The following DLG2 variants were observed in gnomAD, a reference collection of about 807,000 sequenced individuals.
DLG2 encodes the protein disks large homolog 2.
In DLG2, 45 loss-of-function variants were observed where a neutral mutation model predicts 132.5. The observed-to-expected ratio is 0.34, with a 90% CI of 0.27 to 0.44. The LOEUF is 0.44. Ranked by LOEUF, DLG2 falls within the 20% of genes least tolerant of loss-of-function variation. The pLI is 1.00. For synonymous variants in DLG2, 424 were observed against 419.6 expected (o/e 1.01, Z -0.13); for missense variants, 1,045 against 1,196.9 (o/e 0.87, Z 1.87).
intron 6 of DLG2, among the ~76,000 whole-genome samples, chr11:84,978,728 C>A (rs2055287812): frequency 1.3e-5 from 2 of 152,146 alleles, no homozygotes; most frequent in African/African-American, 4.8e-5. Context: ...AAAACCTAGG[C>A]AATACCTTTC....
intron 6 of DLG2, among the ~76,000 whole-genome samples, chr11:84,935,738 C>T (rs532872340): frequency 2.5e-4 from 38 of 152,280 alleles, no homozygotes; most frequent in Non-Finnish European, 4.6e-4. Flanking sequence ...AAAGAATTAT[C>T]CAGCCCAAAA....
chr11:85,010,093 G>A (rs986460579), intron 6 of DLG2, among the ~76,000 whole-genome samples: 9 of 152,156 alleles, frequency 5.9e-5, no homozygotes, highest in Admixed American at 3.3e-4. Context: ...TCAACCTTTG[G>A]AGGAACGGAG....
intron 16 of DLG2, among the ~76,000 whole-genome samples, chr11:83,865,777 C>G (rs2062223619): frequency 6.6e-6 from 1 of 152,136 alleles, no homozygotes; most frequent in South Asian, 2.1e-4. Flanking sequence ...CTCTGATAAG[C>G]AAGTGGAAGA....
At chr11:84,020,914 A>G (rs1170915686) in intron 11 of DLG2, among the ~76,000 whole-genome samples, 1 of 152,196 alleles carries the variant, frequency 6.6e-6, no homozygotes, top group Admixed American at 6.5e-5. Context: ...CTTTTTCACT[A>G]TGGATACTAC....
rs545236440 is a variant in DLG2, at chr11:85,426,108, C to T, written c.41-140743G>A. On this transcript the variant is annotated intron_variant, in intron 3 of 27. Transcript: ENST00000376104. The stretch of plus-strand genomic sequence containing the variant: ...CTGAGGGAGGGGCGCCCGCCATTGC[C>T]GAGGCTTGAGTAGGTAAACAAAGCA... 4.8e-4 allele frequency among the ~76,000 whole-genome samples: 73 copies of T among 152,302 alleles called. 2 individuals are homozygous for T. The highest frequency in any genetic ancestry group is 1.6e-3 in the African/African-American group (67 of 41,568).
intron 6 of DLG2, chr11:84,922,982 C>A (rs2092828573): frequency 1.3e-6 from 2 of 1,492,902 alleles, no homozygotes. Context: ...GCTCAGCCAG[C>A]AATCCGAAAA....
intron 6 of DLG2, among the ~76,000 whole-genome samples, chr11:85,082,930 G>A (rs2154172561): frequency 6.6e-6 from 1 of 152,102 alleles, no homozygotes; most frequent in South Asian, 2.1e-4. Flanking sequence ...GAGAAATTAA[G>A]ACAAGTTGGT....
intron 6 of DLG2, among the ~76,000 whole-genome samples, chr11:84,708,778 G>T (rs1435329441): frequency 6.6e-6 from 1 of 151,720 alleles, no homozygotes; most frequent in Non-Finnish European, 1.5e-5. Context: ...ACAGCAAAGG[G>T]CAATGCACAA....
intron 19 of DLG2, among the ~76,000 whole-genome samples, chr11:83,605,029 G>GAGAGAGAGAGAGAGAGAGAGAT (rs2059141157): frequency 6.6e-6 from 1 of 151,884 alleles, no homozygotes. Flanking sequence ...GAGAGAGAGA[G>GAGAGAGAGAGAGAGAGAGAGAT]AGAGAGAGAT....
intron 18 of DLG2, among the ~76,000 whole-genome samples, chr11:83,737,869 T>C (rs571293180): frequency 2.6e-5 from 4 of 152,328 alleles, no homozygotes; most frequent in Non-Finnish European, 4.4e-5. Context: ...GGTTTTCTTC[T>C]GTACTTGCAA....
intron 3 of DLG2, among the ~76,000 whole-genome samples, chr11:85,575,923 G>A (rs2078131489): frequency 1.3e-5 from 2 of 152,054 alleles, no homozygotes; most frequent in South Asian, 4.1e-4. Context: ...CACACTATAG[G>A]TGCTCCATAA....
chr11:85,254,206 A>G (rs2076547745), intron 4 of DLG2, among the ~76,000 whole-genome samples: 1 of 152,236 alleles, frequency 6.6e-6, no homozygotes, highest in South Asian at 2.1e-4. Flanking sequence ...ATTTAAAAAA[A>G]GGAAAATTGT....
At chr11:84,535,599 C>A (rs2099353535) in intron 6 of DLG2, among the ~76,000 whole-genome samples, 1 of 152,164 alleles carries the variant, frequency 6.6e-6, no homozygotes, top group Non-Finnish European at 1.5e-5. Flanking sequence ...GGGAACTCAG[C>A]CCTCTTCTTG....
chr11:84,018,783 A>G (rs966600561), intron 11 of DLG2, among the ~76,000 whole-genome samples: 2 of 152,042 alleles, frequency 1.3e-5, no homozygotes, highest in African/African-American at 4.8e-5. Context: ...CAGATAAACT[A>G]TAAGGTAAAT....
At position 84,725,205 on chromosome 11, in the gene DLG2, T is replaced by C. The variant is rs543376365; in HGVS notation, c.358-190474A>G. On this transcript the variant is annotated intron_variant, in intron 6 of 27. Transcript: ENST00000376104. ...AATAGACTATCCCAGCTATCACTAA[T>C]AGCTAATACATCCCAATTTTTCATC... Among the ~76,000 whole-genome samples the C allele has an allele frequency of 5.3e-5, 8 of 152,280 alleles. No homozygotes were observed. The East Asian group carries it at 1.2e-3, about 22-fold the overall frequency.
intron 19 of DLG2, among the ~76,000 whole-genome samples, chr11:83,588,915 T>C (rs1287525678): frequency 6.7e-6 from 1 of 149,710 alleles, no homozygotes; most frequent in Non-Finnish European, 1.5e-5. Flanking sequence ...ATGAATGAAA[T>C]GAAGTGAGAA....
At chr11:85,371,083 A>G (rs2084938424) in intron 3 of DLG2, among the ~76,000 whole-genome samples, 1 of 151,790 alleles carries the variant, frequency 6.6e-6, no homozygotes, top group African/African-American at 2.4e-5. Flanking sequence ...AATCCTTTTC[A>G]AAGATGGTTT....
intron 19 of DLG2, among the ~76,000 whole-genome samples, chr11:83,545,113 G>A (rs1036932414): frequency 2.0e-5 from 3 of 152,122 alleles, no homozygotes; most frequent in African/African-American, 7.2e-5. Context: ...CATCAGAAAG[G>A]CTAACAAGTA....
chr11:84,314,669 T>C (rs532739753), intron 7 of DLG2, among the ~76,000 whole-genome samples: 4 of 151,942 alleles, frequency 2.6e-5, no homozygotes, highest in African/African-American at 9.6e-5. Flanking sequence ...GACAGAAAAA[T>C]TGAAATAATA....
Sources: allele counts gnomAD v4.1 joint callset (sites outside exome capture counted in the v4.1 genomes callset), GRCh38; gene constraint gnomAD v4.1.1; transcripts MANE v1.5; gene names NCBI Gene and HGNC (gene_info 2026-07-23, HGNC 2026-07-21).